The following NPFFR1 variants were observed in gnomAD, a reference collection of about 807,000 sequenced individuals.
NPFFR1 encodes G-protein coupled receptor 147.
A neutral mutation model predicts 12.7 loss-of-function variants in NPFFR1; 17 were observed. That is an observed-to-expected ratio of 1.34 (90% CI 0.92 to 2.01). NPFFR1 has a LOEUF of 2.01. Ranked by LOEUF, NPFFR1 falls within the 30% of genes most tolerant of loss-of-function variation. The pLI is 0.00. For synonymous variants in NPFFR1, 296 were observed against 264.5 expected (o/e 1.12, Z -1.16); for missense variants, 604 against 606.5 (o/e 1.00, Z 0.04).
chr10:70,268,293 C>T (rs947477095), intron 1 of NPFFR1, among the ~76,000 whole-genome samples: 1 of 152,150 alleles, frequency 6.6e-6, no homozygotes, highest in Non-Finnish European at 1.5e-5. Flanking sequence ...AATGTGGTTT[C>T]CATCATTATC....
At chr10:70,279,650 G>A (rs1463973055) in intron 1 of NPFFR1, among the ~76,000 whole-genome samples, 1 of 151,900 alleles carries the variant, frequency 6.6e-6, no homozygotes, top group Non-Finnish European at 1.5e-5. Flanking sequence ...TAATAGAGAT[G>A]GGGTTTCACC....
intron 1 of NPFFR1, among the ~76,000 whole-genome samples, chr10:70,267,872 G>T (rs916191113): frequency 9.9e-5 from 15 of 152,216 alleles, no homozygotes; most frequent in African/African-American, 3.6e-4. Context: ...TGCGGTGAGT[G>T]TTGGGATGGG....
rs1356443482 is a variant in NPFFR1 at position 70,255,743 on chromosome 10, C to T, written c.507G>A (p.Ala169=). 3.7e-6 allele frequency: 6 copies of T among 1,611,122 alleles called. No individual in the cohort carries two copies. The highest frequency in any genetic ancestry group is 1.3e-5 in the African/African-American group (1 of 74,880). Residue 169 remains alanine, a synonymous_variant, in exon 4 of 4, where the codon GCG becomes GCA. Coordinates refer to ENST00000277942, the MANE Select transcript of NPFFR1 (RefSeq NM_022146.5). The surrounding 1 kb of genome is among the most constrained non-coding windows in gnomAD (Gnocchi z 4.2). ...CGGCCGAGGGACACATGATGAGCAG[C>T]GCCAGGGCCCAGATGACGGCGATGG... is the stretch of plus-strand genomic sequence containing the variant. ...LVTIAVIWAL[A]LLIMCPSAVT...
rs1840550227 is a variant in NPFFR1 at position 70,255,230 on chromosome 10, G to T, written c.1020C>A (p.Phe340Leu). 1.3e-6 allele frequency: 2 copies of T among 1,553,960 alleles called. No individual in the cohort carries two copies. Among genetic ancestry groups the T allele is most frequent in the African/African-American group, 1.4e-5 (1 of 73,740 alleles). The change falls in exon 4 of 4, where the codon TTC becomes TTA. Residue 340 changes from phenylalanine to leucine, a missense_variant. Physicochemically the swap from Phe to Leu is conservative, Grantham distance 22. Transcript: ENST00000277942. This position sits in a 1 kb window ranked among gnomAD's most constrained non-coding sequence, Gnocchi z 4.2. ...AGAGGCGGGCGCGGAAGGCGGCCTGGAAGCCGCGGCGGAAGTTCTCGTTGA... is the reference window on the plus strand; with the variant it reads ...AGAGGCGGGCGCGGAAGGCGGCCTGTAAGCCGCGGCGGAAGTTCTCGTTGA... ...GYFNENFRRGFQAAFRARLCP... is the reference protein window; with the variant it reads ...GYFNENFRRGLQAAFRARLCP...
At chr10:70,263,495 G>A (rs1281479864) in intron 2 of NPFFR1, among the ~76,000 whole-genome samples, 10 of 152,100 alleles carry the variant, frequency 6.6e-5, no homozygotes, top group South Asian at 2.1e-4. Flanking sequence ...GGATGGTCTC[G>A]ATCTCCTGAC....
chr10:70,282,284 C>T (rs547058236), intron 1 of NPFFR1, among the ~76,000 whole-genome samples: 2 of 152,284 alleles, frequency 1.3e-5, no homozygotes, highest in South Asian at 2.1e-4. Context: ...TGCCTGCCCT[C>T]GAGCCTAAGC....
rs370022999 is a variant in NPFFR1 at position 70,270,514 on chromosome 10, A to T, written c.8-4123T>A. On this transcript the variant is annotated intron_variant, in intron 1 of 3. Transcript: ENST00000277942. ...ACTATCCTTCACTTGGCCCTCAAGT[A>T]AGCTCATCTTCCGAAGTCTGTCCTG... Among the ~76,000 whole-genome samples the T allele has an allele frequency of 8.5e-5, 13 of 152,360 alleles. No homozygotes were observed. In the South Asian group the frequency reaches 1.4e-3, roughly 17 times the overall value.
intron 1 of NPFFR1, among the ~76,000 whole-genome samples, chr10:70,267,959 G>A (rs192493030): frequency 1.3e-5 from 2 of 152,192 alleles, no homozygotes; most frequent in African/African-American, 2.4e-5. Flanking sequence ...CCAGGTTTAG[G>A]CCTTCCAAGG....
At chr10:70,258,304 C>CA (rs35618176) in intron 3 of NPFFR1, among the ~76,000 whole-genome samples, 2,860 of 137,082 alleles carry the variant, frequency 0.021, 87 homozygotes, top group African/African-American at 0.058. Flanking sequence ...ACCTTGTCTC[C>CA]AAAAAAAAAA....
In NPFFR1 at chr10:70,266,319, G is replaced by C. The variant is rs1840690105; in HGVS notation, c.80C>G (p.Ala27Gly). The change falls in exon 2 of 4, where the codon GCT becomes GGT. Residue 27 changes from alanine (A) to glycine (G), a missense_variant. Physicochemically the swap from Ala to Gly is moderately conservative, Grantham distance 60. Transcript: ENST00000277942. ...GTAGGAGGAGAAGGTGAGGTTTGTA[G>C]CCGGGGTGGCCTCAGTGTTAGTCCC... ...QNGTNTEATPATNLTFSSYYQ... is the reference protein window; with the variant it reads ...QNGTNTEATPGTNLTFSSYYQ... 1 of 1,613,668 alleles carries C rather than the reference G, an allele frequency of 6.2e-7. No homozygotes were observed. The highest frequency in any genetic ancestry group is 8.5e-7 in the Non-Finnish European group (1 of 1,179,804).
At chr10:70,268,774 C>T (rs74139293) in intron 1 of NPFFR1, among the ~76,000 whole-genome samples, 1,658 of 152,288 alleles carry the variant, frequency 0.011, 28 homozygotes, top group African/African-American at 0.037. Flanking sequence ...TTTCACATCA[C>T]GTCTGTCACA....
chr10:70,257,623 C>A (rs183222767), intron 3 of NPFFR1, among the ~76,000 whole-genome samples: 125 of 152,286 alleles, frequency 8.2e-4, no homozygotes, highest in African/African-American at 2.8e-3. Flanking sequence ...CCTGACCGTC[C>A]CCCAGCCCAA....
chr10:70,261,249 T>C (rs1840630546), intron 2 of NPFFR1, among the ~76,000 whole-genome samples: 1 of 152,030 alleles, frequency 6.6e-6, no homozygotes, highest in Non-Finnish European at 1.5e-5. Context: ...ATATGGGGCT[T>C]CTCCCTTCAC....
intron 1 of NPFFR1, among the ~76,000 whole-genome samples, chr10:70,270,282 A>C (rs1840732902): frequency 6.6e-6 from 1 of 152,118 alleles, no homozygotes; most frequent in Non-Finnish European, 1.5e-5. Flanking sequence ...GGCAGTGCTG[A>C]TGTTGGAAGG....
chr10:70,258,514 C>G (rs1840600099), intron 3 of NPFFR1, among the ~76,000 whole-genome samples: 1 of 152,154 alleles, frequency 6.6e-6, no homozygotes, highest in East Asian at 1.9e-4. Context: ...GGAAGTTACT[C>G]AAAATACTTT....
At chr10:70,266,503 C>T (rs1840693213) in intron 1 of NPFFR1, 112 bp from the exon 2 acceptor site, 2 of 823,662 alleles carry the variant, frequency 2.4e-6, no homozygotes, top group Non-Finnish European at 3.8e-6. Flanking sequence ...CCTGGTCCCC[C>T]AAGCATGTCC....
chr10:70,261,299 A>G (rs1840630952), intron 2 of NPFFR1, among the ~76,000 whole-genome samples: 1 of 152,146 alleles, frequency 6.6e-6, no homozygotes, highest in Non-Finnish European at 1.5e-5. Context: ...CTTGTGAAGA[A>G]GGATGTGCTT....
intron 1 of NPFFR1, among the ~76,000 whole-genome samples, chr10:70,272,867 A>G (rs949202083): frequency 7.2e-5 from 11 of 152,218 alleles, no homozygotes; most frequent in African/African-American, 2.4e-4. Context: ...GAAAGTATTG[A>G]CCATGGGACA....
intron 3 of NPFFR1, among the ~76,000 whole-genome samples, chr10:70,256,730 G>A (rs983475449): frequency 3.3e-5 from 5 of 152,158 alleles, no homozygotes; most frequent in African/African-American, 1.2e-4. Flanking sequence ...ACTGGGACTC[G>A]AGTGTTAAGC....
Sources: allele counts gnomAD v4.1 joint callset (sites outside exome capture counted in the v4.1 genomes callset), GRCh38; gene constraint gnomAD v4.1.1; non-coding constraint Gnocchi (gnomAD v3.1); transcripts MANE v1.5; gene names NCBI Gene and HGNC (gene_info 2026-07-23, HGNC 2026-07-21).